Variants in OTOA observed in about 807,000 individuals in gnomAD.
The protein encoded by OTOA is otoancorin.
Under a neutral mutation model 110.8 loss-of-function variants are expected in OTOA, and 70 were observed. That is an observed-to-expected ratio of 0.63 (90% confidence interval 0.52 to 0.77). The LOEUF (loss-of-function observed/expected upper bound fraction) is 0.77. Ranked by LOEUF, OTOA falls within the 30% of genes least tolerant of loss-of-function variation. The pLI, the probability that OTOA is intolerant of heterozygous loss-of-function variation, is 0.00. For missense variants in OTOA, 917 were observed against 1,075.8 expected, an observed-to-expected ratio of 0.85 and a Z score of 2.06; for synonymous variants, 373 against 431.5, an observed-to-expected ratio of 0.86 and a Z score of 1.68.
At chr16:21,720,875 G>A (rs1162999490) in intron 17 of OTOA, among the ~76,000 whole-genome samples, 3 of 141,768 alleles carry the variant, frequency 2.1e-5, no homozygotes, top group South Asian at 2.3e-4. Flanking sequence ...TGCCTTTCTC[G>A]TTTATATTTT....
At chr16:21,678,973 T>C in intron 3 of OTOA, 30 bp downstream of exon 3, 1 of 1,613,774 alleles carries the variant, frequency 6.2e-7, no homozygotes, top group South Asian at 1.1e-5. Flanking sequence ...TTAATCAGAG[T>C]CCCCTCTACT....
chr16:21,666,023 A>G (rs562079098), intron 1 of OTOA, among the ~76,000 whole-genome samples: 1 of 152,020 alleles, frequency 6.6e-6, no homozygotes, highest in East Asian at 1.9e-4. Context: ...GAGTCTCCCT[A>G]TGTTGCCCAG....
chr16:21,693,211 C>T (rs1193020534), intron 9 of OTOA, among the ~76,000 whole-genome samples: 1 of 152,120 alleles, frequency 6.6e-6, no homozygotes, highest in African/African-American at 2.4e-5. Context: ...TTGCAGTGAG[C>T]TGGGATTGTG....
intron 11 of OTOA, among the ~76,000 whole-genome samples, chr16:21,701,661 C>G (rs569719046): frequency 6.6e-6 from 1 of 152,146 alleles, no homozygotes; most frequent in African/African-American, 2.4e-5. Flanking sequence ...TCCTGTCACC[C>G]AGGCTGGAGT....
intron 22 of OTOA, among the ~76,000 whole-genome samples, chr16:21,738,522 G>A (rs1242533894): frequency 1.7e-5 from 2 of 117,264 alleles, no homozygotes; most frequent in African/African-American, 6.0e-5. Flanking sequence ...TGGATGGGGA[G>A]CTAGAAAGGG....
chr16:21,699,169 T>C (rs547232930), intron 10 of OTOA, among the ~76,000 whole-genome samples: 13 of 152,070 alleles, frequency 8.5e-5, no homozygotes, highest in Non-Finnish European at 1.6e-4. Flanking sequence ...CAGGCTGGTC[T>C]TGAACTCTTG....
At chr16:21,676,964 CAG>C (rs1966859241) in intron 1 of OTOA, among the ~76,000 whole-genome samples, 1 of 152,188 alleles carries the variant, frequency 6.6e-6, no homozygotes, top group African/African-American at 2.4e-5. Context: ...ATATTTCAGC[CAG>C]CTTTTTAATT....
intron 18 of OTOA, among the ~76,000 whole-genome samples, chr16:21,725,554 G>A (rs1898886777): frequency 6.6e-6 from 1 of 152,160 alleles, no homozygotes; most frequent in African/African-American, 2.4e-5. Flanking sequence ...AAAGTGCTGG[G>A]ATTATAGCTG....
intron 10 of OTOA, among the ~76,000 whole-genome samples, 164 bp from the exon 11 acceptor site, chr16:21,700,724 C>CAAAA (rs3054189): frequency 3.5e-4 from 40 of 115,698 alleles, no homozygotes; most frequent in Admixed American, 6.7e-4. Context: ...GACTCCATCT[C>CAAAA]AAAAAAAAAA....
At chr16:21,696,810 A>G (rs770628114) in intron 9 of OTOA, among the ~76,000 whole-genome samples, 4 of 152,020 alleles carry the variant, frequency 2.6e-5, no homozygotes, top group Non-Finnish European at 5.9e-5. Flanking sequence ...TTATTTAGTA[A>G]CCAATCGAAT....
rs761035750 is a variant in OTOA, at chr16:21,719,506, T to TA, written c.1806+3dup. 61 of 1,612,900 alleles carry TA rather than the reference T, an allele frequency of 3.8e-5. 1 individual carries two copies. In the African/African-American group the frequency reaches 6.3e-4, roughly 17 times the overall value. On this transcript the variant is annotated splice_region_variant and intron_variant, in intron 17 of 28. Coordinates refer to ENST00000646100, the MANE Select transcript of OTOA (RefSeq NM_144672.4). ...TTCGCCCTGCTTTCACCCTATCAGG[T>TA]ACCGTTAAAGCATTTTCCAGCTTCT...
At chr16:21,701,121 G>A in intron 11 of OTOA, 94 bp downstream of exon 11, 2 of 1,569,630 alleles carry the variant, frequency 1.3e-6, no homozygotes, top group Non-Finnish European at 1.7e-6. Context: ...GGGAGGGAAG[G>A]GAGGTGGCTG....
At chr16:21,738,685 C>T (rs2141739169) in intron 22 of OTOA, among the ~76,000 whole-genome samples, 1 of 152,126 alleles carries the variant, frequency 6.6e-6, no homozygotes, top group African/African-American at 2.4e-5. Context: ...TTCATCTGCT[C>T]ATCTGCTTGT....
Position 21,719,455 on chromosome 16 carries a change from C to T in OTOA, c.1757C>T (p.Ala586Val). ...GCCATGAGCACTGACTTCTTTCTGG[C>T]CCATTTCCAGGATTTTCAGAACAAC... ...IDAMSTDFFL[A>V]HFQDFQNNFA... The change falls in exon 17 of 29, where the codon GCC (alanine) becomes GTC (valine). Residue 586 changes from alanine to valine, a missense_variant. By Grantham distance (64) the Ala-to-Val change is moderately conservative (BLOSUM62 0). Coordinates refer to ENST00000646100, the MANE Select transcript of OTOA (RefSeq NM_144672.4). The T allele has an allele frequency of 1.2e-6, 2 of 1,614,142 alleles. No individual in the cohort carries two copies. The highest frequency in any genetic ancestry group is 1.7e-6 in the Non-Finnish European group (2 of 1,180,028).
At chr16:21,714,448 C>G (rs1898479848) in intron 13 of OTOA, among the ~76,000 whole-genome samples, 1 of 87,178 alleles carries the variant, frequency 1.1e-5, no homozygotes, top group Non-Finnish European at 2.3e-5. Flanking sequence ...TTCTTTCTTT[C>G]TCTCTCTCTC....
chr16:21,681,897 G>A (rs1966899188), intron 6 of OTOA, 72 bp downstream of exon 6: 2 of 1,399,272 alleles, frequency 1.4e-6, no homozygotes, highest in Admixed American at 1.7e-5. Context: ...GGCCAGGTAA[G>A]TTGGAGAAGT....
At chr16:21,758,159 C>T (rs993244206) in intron 28 of OTOA, among the ~76,000 whole-genome samples, 13 of 151,766 alleles carry the variant, frequency 8.6e-5, no homozygotes, top group African/African-American at 2.9e-4. Context: ...CCTTTTTCTC[C>T]CCCATGCCTT....
intron 12 of OTOA, among the ~76,000 whole-genome samples, chr16:21,708,302 G>T (rs957863270): frequency 3.9e-5 from 6 of 152,106 alleles, no homozygotes; most frequent in African/African-American, 1.4e-4. Context: ...TGCACAATAG[G>T]GTTTGCTCTT....
chr16:21,694,344 A>T (rs1294059355), intron 9 of OTOA, among the ~76,000 whole-genome samples: 1 of 151,956 alleles, frequency 6.6e-6, no homozygotes, highest in Non-Finnish European at 1.5e-5. Context: ...CTGGAGGCTG[A>T]GGGGGGGAGG....
Sources: gnomAD v4.1 joint callset for allele counts (sites outside exome capture counted in the v4.1 genomes callset) on GRCh38, gnomAD v4.1.1 for gene constraint, MANE v1.5 for transcripts, NCBI Gene and HGNC (gene_info 2026-07-23, HGNC 2026-07-21) for gene names.